Variants in KAZN observed in about 807,000 individuals in gnomAD.
The protein encoded by KAZN is kazrin.
In KAZN, 40 loss-of-function variants were observed where a neutral mutation model predicts 87.4. That is an observed-to-expected ratio of 0.46 (90% CI 0.36 to 0.60). The LOEUF (loss-of-function observed/expected upper bound fraction) is 0.60. KAZN is among the 20% of genes least tolerant of loss of function. The probability of loss-of-function intolerance (pLI) is 0.00; values close to 1 mark genes in which losing one functional copy is unlikely to be tolerated. For synonymous variants in KAZN, 466 were observed against 458.3 expected (o/e 1.02, Z -0.22); for missense variants, 898 against 1,073.9 (o/e 0.84, Z 2.29).
At chr1:14,767,704 T>C (rs956845119) in intron 1 of KAZN, among the ~76,000 whole-genome samples, 1 of 152,180 alleles carries the variant, frequency 6.6e-6, no homozygotes, top group African/African-American at 2.4e-5. Context: ...GAGTGTCCTA[T>C]CCACAGACCT....
intron 2 of KAZN, among the ~76,000 whole-genome samples, chr1:14,437,393 T>G (rs980272739): frequency 7.2e-5 from 11 of 152,218 alleles, no homozygotes; most frequent in African/African-American, 2.7e-4. Context: ...AAGTCCTCGC[T>G]GAGGCTGGTG....
chr1:14,018,508 A>G (rs1050770539), intron 1 of KAZN, among the ~76,000 whole-genome samples: 1 of 152,180 alleles, frequency 6.6e-6, no homozygotes, highest in African/African-American at 2.4e-5. Flanking sequence ...TTGGGTGTCA[A>G]CATGACTGGA....
chr1:14,330,005 T>C (rs1180615364), intron 2 of KAZN, among the ~76,000 whole-genome samples: 1 of 152,140 alleles, frequency 6.6e-6, no homozygotes, highest in African/African-American at 2.4e-5. Flanking sequence ...GAGGATAGGG[T>C]ATTGCCAATT....
intron 1 of KAZN, among the ~76,000 whole-genome samples, chr1:13,909,740 A>G (rs952882292): frequency 2.0e-5 from 3 of 152,342 alleles, no homozygotes; most frequent in Middle Eastern, 3.4e-3. Flanking sequence ...AGCATTTATG[A>G]GGGCAGAGTC....
chr1:14,488,178 C>T (rs1669449426), intron 2 of KAZN, among the ~76,000 whole-genome samples: 2 of 152,198 alleles, frequency 1.3e-5, no homozygotes, highest in Non-Finnish European at 1.5e-5. Context: ...ACTTAAGACT[C>T]TTCAGTATCA....
At chr1:14,137,693 A>AT (rs1645137894) in intron 1 of KAZN, among the ~76,000 whole-genome samples, 1 of 149,768 alleles carries the variant, frequency 6.7e-6, no homozygotes, top group Non-Finnish European at 1.5e-5. Flanking sequence ...CCTACAACAA[A>AT]TATAAGGCTT....
At chr1:14,663,485 A>G (rs1449564188) in intron 1 of KAZN, among the ~76,000 whole-genome samples, 3 of 152,160 alleles carry the variant, frequency 2.0e-5, no homozygotes, top group African/African-American at 7.2e-5. Context: ...CTGCAGAGTC[A>G]GTGTTCAGAG....
intron 1 of KAZN, among the ~76,000 whole-genome samples, chr1:14,127,403 T>G (rs907275569): frequency 4.6e-5 from 7 of 151,526 alleles, no homozygotes; most frequent in Admixed American, 2.0e-4. Context: ...ACTGTTGTTT[T>G]TTTTTTTTTT....
intron 8 of KAZN, among the ~76,000 whole-genome samples, chr1:15,069,804 A>G (rs1639426788): frequency 6.6e-6 from 1 of 152,158 alleles, no homozygotes; most frequent in Non-Finnish European, 1.5e-5. Flanking sequence ...TACCACGTGA[A>G]TGGTGTCCTG....
chr1:14,721,056 C>T (rs539028876), intron 1 of KAZN, among the ~76,000 whole-genome samples: 1 of 152,318 alleles, frequency 6.6e-6, no homozygotes, highest in Admixed American at 6.5e-5. Context: ...ATTTAGGGTG[C>T]TCTGGGCCAC....
intron 1 of KAZN, among the ~76,000 whole-genome samples, chr1:14,683,324 T>C (rs1883661): frequency 0.53 from 81,108 of 152,018 alleles, 21,713 homozygotes; most frequent in South Asian, 0.64. Context: ...TCAAAGAAGA[T>C]GCGTAGGTCA....
At chr1:15,038,793 C>A (rs528677910) in intron 3 of KAZN, among the ~76,000 whole-genome samples, 7 of 99,908 alleles carry the variant, frequency 7.0e-5, no homozygotes, top group African/African-American at 3.2e-4. Context: ...TGTGCTATTA[C>A]CAACAGCAGA....
intron 1 of KAZN, among the ~76,000 whole-genome samples, chr1:14,840,538 C>T (rs1302575719): frequency 1.3e-5 from 2 of 152,244 alleles, no homozygotes; most frequent in Admixed American, 6.5e-5. Flanking sequence ...CTGCTGAAAT[C>T]ACTCTAGCCT....
At chr1:14,848,107 C>T (rs1185467948) in intron 1 of KAZN, among the ~76,000 whole-genome samples, 1 of 152,214 alleles carries the variant, frequency 6.6e-6, no homozygotes, top group Non-Finnish European at 1.5e-5. Flanking sequence ...GGGAGCGGCT[C>T]CCCACCTTGG....
intron 2 of KAZN, among the ~76,000 whole-genome samples, chr1:14,278,956 C>T (rs527793819): frequency 9.3e-6 from 1 of 107,176 alleles, no homozygotes; most frequent in African/African-American, 4.0e-5. Context: ...TTTTGGCAGG[C>T]AAGACTATTT....
At chr1:14,664,096 C>T (rs1639358471) in intron 1 of KAZN, among the ~76,000 whole-genome samples, 1 of 152,100 alleles carries the variant, frequency 6.6e-6, no homozygotes, top group Non-Finnish European at 1.5e-5. Flanking sequence ...ATGATTCCAC[C>T]TATATGAGGT....
chr1:13,974,053 G>A (rs1379957480), intron 1 of KAZN, among the ~76,000 whole-genome samples: 2 of 152,282 alleles, frequency 1.3e-5, no homozygotes, highest in Non-Finnish European at 2.9e-5. Flanking sequence ...GCTTCCAGGA[G>A]CTTCGCTCAG....
At chr1:14,164,603 C>A (rs547846440) in intron 1 of KAZN, among the ~76,000 whole-genome samples, 27 of 145,184 alleles carry the variant, frequency 1.9e-4, no homozygotes, top group Non-Finnish European at 3.9e-4. Context: ...TGCAATGGCA[C>A]GATCTCGGCT....
intron 1 of KAZN, among the ~76,000 whole-genome samples, chr1:13,902,006 G>A (rs750138641): frequency 9.9e-5 from 15 of 152,248 alleles, no homozygotes; most frequent in Non-Finnish European, 1.5e-4. Context: ...TTTTGGACCC[G>A]AGATTATCCA....
Sources: allele counts gnomAD v4.1 joint callset (sites outside exome capture counted in the v4.1 genomes callset), GRCh38; gene constraint gnomAD v4.1.1; transcripts MANE v1.5; gene names NCBI Gene and HGNC (gene_info 2026-07-23, HGNC 2026-07-21).